The following AHI1 variants were observed in gnomAD, a reference collection of about 807,000 sequenced individuals.
AHI1 encodes jouberin.
In AHI1, 123 loss-of-function variants were observed where a neutral mutation model predicts 149.3. The ratio of observed to expected loss-of-function variants is 0.82; its 90% CI spans 0.71 to 0.96. The LOEUF is 0.96. Ranked by LOEUF, AHI1 falls within the 40% of genes least tolerant of loss-of-function variation. AHI1 has a pLI of 0.00. For missense variants in AHI1, 1,439 were observed against 1,422.7 expected (o/e 1.01, Z -0.18); for synonymous variants, 475 against 459.8 (o/e 1.03, Z -0.42).
At chr6:135,314,996 G>A (rs1161722602) in intron 26 of AHI1, among the ~76,000 whole-genome samples, 1 of 152,154 alleles carries the variant, frequency 6.6e-6, no homozygotes, top group East Asian at 1.9e-4. Flanking sequence ...TTGAAGGGGT[G>A]GAGATTGTAA....
intron 24 of AHI1, among the ~76,000 whole-genome samples, chr6:135,326,997 G>T (rs980462879): frequency 1.3e-5 from 2 of 152,088 alleles, no homozygotes; most frequent in African/African-American, 4.8e-5. Flanking sequence ...GTAGTATTTG[G>T]TTTTTTGTTC....
chr6:135,433,822 AT>A (rs1784999867), intron 15 of AHI1, among the ~76,000 whole-genome samples: 1 of 152,058 alleles, frequency 6.6e-6, no homozygotes, highest in Non-Finnish European at 1.5e-5. Context: ...TAAAATAATT[AT>A]GACATTTTGA....
chr6:135,363,812 G>A (rs1794364454), intron 23 of AHI1, among the ~76,000 whole-genome samples: 1 of 149,664 alleles, frequency 6.7e-6, no homozygotes, highest in African/African-American at 2.5e-5. Flanking sequence ...GCCGGGCAGA[G>A]GGGCTCCTCA....
chr6:135,476,242 T>C (rs563156972), intron 5 of AHI1, among the ~76,000 whole-genome samples: 10 of 152,318 alleles, frequency 6.6e-5, no homozygotes, highest in African/African-American at 2.2e-4. Context: ...CTTCCAAATA[T>C]TTGGTGATAC....
intron 7 of AHI1, 116 bp downstream of exon 7, chr6:135,465,698 A>ATT: frequency 1.2e-6 from 1 of 825,374 alleles, no homozygotes; most frequent in African/African-American, 1.8e-5. Flanking sequence ...CTTAGTGACA[A>ATT]TGTCTCCAAA....
intron 20 of AHI1, among the ~76,000 whole-genome samples, chr6:135,412,709 T>G (rs1781783736): frequency 6.6e-6 from 1 of 152,184 alleles, no homozygotes; most frequent in Non-Finnish European, 1.5e-5. Context: ...AAAAAATATA[T>G]AAACTCATCA....
In AHI1 at chr6:135,465,839, G is replaced by T; in HGVS notation, c.724C>A (p.Pro242Thr). ...SEKRKKKKEV[P>T]VFSKAETSTL... ...CTTGTTTCAGCTTTAGAGAAGACTG[G>T]AACTTCCTTTTTCTTTTTCCTTTTT... is the stretch of plus-strand genomic sequence containing the variant. The change falls in exon 7 of 29, where the codon CCA becomes ACA. Residue 242 changes from proline to threonine, a missense_variant. By Grantham distance (38) the Pro-to-Thr change is conservative. Coordinates refer to ENST00000265602, the MANE Select transcript of AHI1 (RefSeq NM_001134831.2). 1 of 1,479,660 alleles carries T rather than the reference G, an allele frequency of 6.8e-7. No homozygotes were observed. The highest frequency in any genetic ancestry group is 1.6e-5 in the South Asian group (1 of 63,274). 91.7% of individuals were successfully genotyped at this position (1,479,660 alleles called of 1,614,324 possible).
chr6:135,327,168 G>T (rs577055638), intron 24 of AHI1, among the ~76,000 whole-genome samples: 95 of 152,290 alleles, frequency 6.2e-4, no homozygotes, highest in African/African-American at 2.3e-3. Context: ...GTGGTATTTT[G>T]TTAGGGCAGC....
chr6:135,295,483 C>T (rs1330332328), intron 27 of AHI1, among the ~76,000 whole-genome samples: 1 of 152,096 alleles, frequency 6.6e-6, no homozygotes, highest in Non-Finnish European at 1.5e-5. Context: ...CAAAAAAAAC[C>T]CCTATGTTCA....
intron 24 of AHI1, among the ~76,000 whole-genome samples, chr6:135,356,858 T>A (rs1793052640): frequency 2.0e-5 from 3 of 152,180 alleles, no homozygotes; most frequent in Non-Finnish European, 4.4e-5. Flanking sequence ...ATCATAGGGA[T>A]TTATTACAAA....
chr6:135,442,747 G>A, intron 13 of AHI1, 33 bp from the exon 14 acceptor site: 1 of 1,564,588 alleles, frequency 6.4e-7, no homozygotes, highest in South Asian at 1.2e-5. Flanking sequence ...ATATAAATTA[G>A]CAAACATTAA....
At chr6:135,320,942 T>C (rs745380349) in intron 25 of AHI1, among the ~76,000 whole-genome samples, 6 of 152,236 alleles carry the variant, frequency 3.9e-5, no homozygotes, top group Non-Finnish European at 8.8e-5. Context: ...TTAGATGATC[T>C]GGAAGTTAGA....
At chr6:135,344,599 T>C (rs1790885053) in intron 24 of AHI1, among the ~76,000 whole-genome samples, 1 of 151,740 alleles carries the variant, frequency 6.6e-6, no homozygotes, top group Non-Finnish European at 1.5e-5. Context: ...AATATAGATT[T>C]GTTAACTTCA....
rs983813702 is a variant in AHI1 at position 135,411,582 on chromosome 6, G to A, written c.2765-38C>T. On this transcript the variant is annotated intron_variant, in intron 20 of 28. Transcript: ENST00000265602. Reference sequence around the variant, plus strand: ...ATCCATAATTAGTTAAATCATCATAGCAAAAGCATAATCAAGCCCTAAAAC... The same window carrying A: ...ATCCATAATTAGTTAAATCATCATAACAAAAGCATAATCAAGCCCTAAAAC... 2.7e-6 allele frequency: 4 copies of A among 1,485,236 alleles called. No individual in the cohort carries two copies. The Admixed American group carries it at 6.6e-5, about 25-fold the overall frequency. The allele number at this position is 1,485,236 out of a possible 1,614,324, so 92.0% of individuals were successfully genotyped here.
intron 5 of AHI1, among the ~76,000 whole-genome samples, chr6:135,478,623 T>C (rs1168482332): frequency 6.6e-6 from 1 of 152,170 alleles, no homozygotes; most frequent in Non-Finnish European, 1.5e-5. Flanking sequence ...GCACGAAAGT[T>C]TGGAAAATTT....
chr6:135,453,377 T>A lies in AHI1; in HGVS notation c.1404A>T (p.Glu468Asp). The change falls in exon 11 of 29, where the codon GAA (glutamate) becomes GAT (aspartate). Residue 468 changes from glutamate to aspartate, a missense_variant. Physicochemically the swap from Glu to Asp is conservative, Grantham distance 45. Transcript: ENST00000265602. ...CCCAGGCAATTTTCCGAAAGCCACA[T>A]TCTTGGTTTTGAACCTCAGAATTAT... ...IKNNSEVQNQ[E>D]CGFRKIAWAF... 6.4e-7 allele frequency: 1 copy of A among 1,562,360 alleles called. No individual in the cohort carries two copies. The highest frequency in any genetic ancestry group is 8.7e-7 in the Non-Finnish European group (1 of 1,151,936).
At chr6:135,297,001 G>C (rs964406483) in intron 27 of AHI1, among the ~76,000 whole-genome samples, 1 of 152,204 alleles carries the variant, frequency 6.6e-6, no homozygotes. Context: ...AGAACAGAGA[G>C]CAGATGATCA....
chr6:135,433,084 C>G lies in AHI1; in HGVS notation c.2209G>C (p.Val737Leu), dbSNP rs1227775795. The change falls in exon 16 of 29, where the codon GTC (valine) becomes CTC (leucine). Residue 737 changes from valine to leucine, a missense_variant. Physicochemically the swap from Val to Leu is conservative, Grantham distance 32 (BLOSUM62 1). Coordinates refer to ENST00000265602, the MANE Select transcript of AHI1 (RefSeq NM_001134831.2). ...VEMREDSAIL[V>L]RQFDVHKSFI... is the part of the protein sequence containing the mutation. Reference sequence around the variant, plus strand: ...CTTTTGTGAACATCAAACTGTCGGACCAATATGGCAGAATCTTCTCTCATC... The same window carrying G: ...CTTTTGTGAACATCAAACTGTCGGAGCAATATGGCAGAATCTTCTCTCATC... 6.2e-7 allele frequency: 1 copy of G among 1,613,534 alleles called. No homozygotes were observed. Among genetic ancestry groups the G allele is most frequent in the South Asian group, 1.1e-5 (1 of 91,082 alleles).
intron 21 of AHI1, 126 bp from the exon 22 acceptor site, chr6:135,405,103 T>A (rs1583060774): frequency 1.4e-6 from 1 of 740,396 alleles, no homozygotes; most frequent in South Asian, 1.8e-5. Flanking sequence ...TTATCCATTA[T>A]CCTGCCGTTG....
Sources: gnomAD v4.1 joint callset for allele counts (sites outside exome capture counted in the v4.1 genomes callset) on GRCh38, gnomAD v4.1.1 for gene constraint, MANE v1.5 for transcripts, NCBI Gene and HGNC (gene_info 2026-07-23, HGNC 2026-07-21) for gene names.